The following ADGRB3 variants were observed in gnomAD, a reference collection of about 807,000 sequenced individuals.
ADGRB3 encodes the protein adhesion G protein-coupled receptor B3.
In ADGRB3, 37 loss-of-function variants were observed where a neutral mutation model predicts 193.4. The ratio of observed to expected loss-of-function variants is 0.19; its 90% confidence interval spans 0.15 to 0.25. The LOEUF (loss-of-function observed/expected upper bound fraction) is 0.25, where lower values mean the gene tolerates loss of function less well. ADGRB3 is among the 10% of genes least tolerant of loss of function. The probability of loss-of-function intolerance (pLI) is 1.00; values close to 1 mark genes in which losing one functional copy is unlikely to be tolerated. For synonymous variants in ADGRB3, 690 were observed against 644.2 expected (o/e 1.07, Z -1.08); for missense variants, 1,637 against 1,852.9 (o/e 0.88, Z 2.14).
At chr6:69,290,957 C>G (rs141689168) in intron 20 of ADGRB3, among the ~76,000 whole-genome samples, 2,847 of 152,178 alleles carry the variant, frequency 0.019, 89 homozygotes, top group African/African-American at 0.065. Context: ...ATAATACCTG[C>G]TGTTCTATTT....
In ADGRB3 at chr6:68,724,663, A is replaced by ATT. The variant is rs35845748; in HGVS notation, c.757+85244_757+85245dup. Among the ~76,000 whole-genome samples, 20 of 144,570 alleles carry ATT rather than the reference A, an allele frequency of 1.4e-4. 1 individual carries two copies. In the South Asian group the frequency reaches 4.4e-3, roughly 31 times the overall value. 94.8% of individuals were successfully genotyped at this position (144,570 alleles called of 152,430 possible). ...TGACAGTCTAAGCACAAAAACCCAT[A>ATT]TTTTTTTTTTTTTTGGTAAAAACTC... On this transcript the variant is annotated intron_variant, in intron 3 of 31. Transcript: ENST00000370598.
At chr6:69,348,119 C>T (rs1266236549) in intron 26 of ADGRB3, among the ~76,000 whole-genome samples, 2 of 152,084 alleles carry the variant, frequency 1.3e-5, no homozygotes, top group Non-Finnish European at 2.9e-5. Flanking sequence ...CATGGTTCTC[C>T]TAGTCCATGC....
intron 3 of ADGRB3, among the ~76,000 whole-genome samples, chr6:68,832,283 C>G (rs1186949173): frequency 6.6e-6 from 1 of 151,904 alleles, no homozygotes; most frequent in Non-Finnish European, 1.5e-5. Flanking sequence ...TTCTATAAAC[C>G]TGAGAAAGGT....
intron 3 of ADGRB3, among the ~76,000 whole-genome samples, chr6:68,688,056 G>C (rs1440817731): frequency 1.3e-5 from 2 of 152,128 alleles, no homozygotes; most frequent in Non-Finnish European, 1.5e-5. Context: ...AAAGGAGATT[G>C]AGTAACCTGT....
chr6:69,060,368 G>A (rs1771713731), intron 15 of ADGRB3, among the ~76,000 whole-genome samples: 1 of 151,816 alleles, frequency 6.6e-6, no homozygotes, highest in African/African-American at 2.4e-5. Flanking sequence ...AATATACCCT[G>A]CAGAAGGCAA....
At chr6:68,691,478 C>A (rs1765071643) in intron 3 of ADGRB3, among the ~76,000 whole-genome samples, 2 of 151,912 alleles carry the variant, frequency 1.3e-5, no homozygotes, top group Non-Finnish European at 2.9e-5. Flanking sequence ...CTATTTGAAG[C>A]TCATTTATTA....
chr6:68,840,115 GA>G (rs1768122852), intron 3 of ADGRB3, among the ~76,000 whole-genome samples: 1 of 152,104 alleles, frequency 6.6e-6, no homozygotes, highest in Non-Finnish European at 1.5e-5. Flanking sequence ...AAATAAAATT[GA>G]AAGGCATTCT....
rs139757969 is a variant in ADGRB3, at chr6:68,753,553, G to C, written c.757+114121G>C. ...GTTCGCACTATGTAACAGGAAGGTA[G>C]AAACTAGGGGCGGTCAGGGGAGTTA... On this transcript the variant is annotated intron_variant, in intron 3 of 31. Transcript: ENST00000370598. 1.2e-4 allele frequency among the ~76,000 whole-genome samples: 18 copies of C among 152,240 alleles called. 1 individual carries two copies. The highest frequency in any genetic ancestry group is 1.2e-3 in the Admixed American group (18 of 15,286).
chr6:69,039,252 GAA>G (rs34473584), intron 13 of ADGRB3, among the ~76,000 whole-genome samples: 7,035 of 135,650 alleles, frequency 0.052, 226 homozygotes, highest in Non-Finnish European at 0.074. Flanking sequence ...AATAAGGAAA[GAA>G]AAAAAAAAAA....
At position 69,309,021 on chromosome 6, in the gene ADGRB3, G is replaced by T. The variant is rs148279291; in HGVS notation, c.2815-15851G>T. ...CAGTTCTGTTATGAGAACAAGGAAA[G>T]AACAAATATTGAGGGAAGCCAGTCA... On this transcript the variant is annotated intron_variant, in intron 20 of 31. Transcript: ENST00000370598. Among the ~76,000 whole-genome samples, 434 of 151,796 alleles carry T rather than the reference G, an allele frequency of 2.9e-3. 6 individuals carry two copies. Among genetic ancestry groups the T allele is most frequent in the African/African-American group, 8.0e-3 (332 of 41,496 alleles).
In ADGRB3 at chr6:68,876,688, T is replaced by C. The variant is rs188073073; in HGVS notation, c.758-53871T>C. Among the ~76,000 whole-genome samples the C allele has an allele frequency of 1.2e-3, 185 of 152,364 alleles. 2 individuals carry two copies. The highest frequency in any genetic ancestry group is 1.3e-4 in the Non-Finnish European group (9 of 68,024). On this transcript the variant is annotated intron_variant, in intron 3 of 31. Coordinates refer to ENST00000370598, the MANE Select transcript of ADGRB3 (RefSeq NM_001704.3). ...GCTAAATACTTTCTTTTTATGGATG[T>C]ACCAAAAGCAACATTTCAATTCATT...
At chr6:68,656,834 A>C (rs1386932796) in intron 3 of ADGRB3, among the ~76,000 whole-genome samples, 1 of 151,746 alleles carries the variant, frequency 6.6e-6, no homozygotes. Context: ...AGTTTGGTTC[A>C]TAGAAAATAT....
chr6:69,042,891 G>A (rs7760307), intron 13 of ADGRB3, among the ~76,000 whole-genome samples: 64,572 of 151,966 alleles, frequency 0.42, 14,398 homozygotes, highest in African/African-American at 0.47. Flanking sequence ...TTTTAAGACA[G>A]CCTTTAAAGT....
At chr6:68,971,848 C>T (rs1186727400) in intron 8 of ADGRB3, among the ~76,000 whole-genome samples, 1 of 152,232 alleles carries the variant, frequency 6.6e-6, no homozygotes, top group Non-Finnish European at 1.5e-5. Context: ...CCACGAGTTT[C>T]ATAGCAGTAC....
chr6:69,227,601 A>G (rs984694921), intron 17 of ADGRB3, among the ~76,000 whole-genome samples: 17 of 152,320 alleles, frequency 1.1e-4, no homozygotes, highest in African/African-American at 3.4e-4. Context: ...GGCAGAAAAC[A>G]TATTATTAGA....
intron 26 of ADGRB3, among the ~76,000 whole-genome samples, chr6:69,343,050 A>G (rs1485406655): frequency 6.6e-6 from 1 of 151,980 alleles, no homozygotes; most frequent in East Asian, 1.9e-4. Flanking sequence ...CAGGGGAAGA[A>G]TATAGCCTTG....
At position 68,667,881 on chromosome 6, in the gene ADGRB3, C is replaced by A. The variant is rs1026520732; in HGVS notation, c.757+28449C>A. Among the ~76,000 whole-genome samples the A allele has an allele frequency of 4.6e-5, 7 of 151,686 alleles. 1 individual carries two copies. In the South Asian group the frequency reaches 8.3e-4, roughly 18 times the overall value. ...AAAATAAGAGACCACAGGAGAGAGG[C>A]CCCACATTTAGAACAATCCCAGCTA... On this transcript the variant is annotated intron_variant, in intron 3 of 31. Coordinates refer to ENST00000370598, the MANE Select transcript of ADGRB3 (RefSeq NM_001704.3).
At chr6:69,032,787 A>G (rs1284305195) in intron 13 of ADGRB3, among the ~76,000 whole-genome samples, 1 of 152,208 alleles carries the variant, frequency 6.6e-6, no homozygotes, top group African/African-American at 2.4e-5. Context: ...GCCCTTTTGT[A>G]TCTTTTAAAA....
intron 3 of ADGRB3, among the ~76,000 whole-genome samples, chr6:68,643,346 A>G (rs1010999184): frequency 2.0e-5 from 3 of 150,930 alleles, no homozygotes; most frequent in Non-Finnish European, 4.4e-5. Context: ...ATGTCAGTTT[A>G]ATTGTCCCCA....
Sources: allele counts gnomAD v4.1 joint callset (sites outside exome capture counted in the v4.1 genomes callset), GRCh38; gene constraint gnomAD v4.1.1; transcripts MANE v1.5; gene names NCBI Gene and HGNC (gene_info 2026-07-23, HGNC 2026-07-21).